RAP1A: variants seen among roughly 807,000 people sequenced by gnomAD.
RAP1A encodes the protein ras-related protein Rap-1A.
A neutral mutation model predicts 26.4 loss-of-function variants in RAP1A; 6 were observed. That is an observed-to-expected ratio of 0.23 (90% CI 0.12 to 0.45). The LOEUF (loss-of-function observed/expected upper bound fraction) is 0.45, where lower values mean the gene tolerates loss of function less well. Among genes scored for constraint, RAP1A ranks in the 20% least tolerant of loss-of-function variants. The probability of loss-of-function intolerance (pLI) is 0.99; values close to 1 mark genes in which losing one functional copy is unlikely to be tolerated. For missense variants in RAP1A, 121 were observed against 217.2 expected (o/e 0.56, Z 2.78); for synonymous variants, 73 against 79.4 (o/e 0.92, Z 0.43).
chr1:111,592,478 G>A (rs1484077234), intron 1 of RAP1A, among the ~76,000 whole-genome samples: 1 of 152,188 alleles, frequency 6.6e-6, no homozygotes, highest in Non-Finnish European at 1.5e-5. Flanking sequence ...GAAACCTGAA[G>A]TTTAGGGTAA....
At chr1:111,575,968 A>G (rs1658140243) in intron 1 of RAP1A, among the ~76,000 whole-genome samples, 1 of 152,320 alleles carries the variant, frequency 6.6e-6, no homozygotes, top group Non-Finnish European at 1.5e-5. Context: ...AAAACATACA[A>G]AAGGGAATCA....
intron 1 of RAP1A, among the ~76,000 whole-genome samples, chr1:111,644,431 A>G (rs1048547047): frequency 6.6e-6 from 1 of 151,566 alleles, no homozygotes; most frequent in African/African-American, 2.4e-5. Context: ...TCCTCACATC[A>G]CTCTAAGATT....
chr1:111,635,553 T>C (rs1659702282), intron 1 of RAP1A, among the ~76,000 whole-genome samples: 2 of 152,162 alleles, frequency 1.3e-5, no homozygotes, highest in African/African-American at 4.8e-5. Context: ...TTGATGTTTC[T>C]TTGTTTTCTT....
chr1:111,694,370 A>T (rs1661766238), intron 2 of RAP1A, among the ~76,000 whole-genome samples: 1 of 152,238 alleles, frequency 6.6e-6, no homozygotes, highest in South Asian at 2.1e-4. Context: ...AGCTCAAGCT[A>T]AAATAGTATA....
chr1:111,608,930 C>G (rs1172631831), intron 1 of RAP1A, among the ~76,000 whole-genome samples: 1 of 152,204 alleles, frequency 6.6e-6, no homozygotes, highest in Non-Finnish European at 1.5e-5. Flanking sequence ...TGTCTCACTG[C>G]TGAGTTCTGC....
At chr1:111,699,318 T>C (rs1661940334) in intron 4 of RAP1A, among the ~76,000 whole-genome samples, 1 of 152,158 alleles carries the variant, frequency 6.6e-6, no homozygotes, top group Non-Finnish European at 1.5e-5. Context: ...ATTTCCTTGA[T>C]GTCCATCCTA....
chr1:111,595,936 G>A (rs982329885), intron 1 of RAP1A, among the ~76,000 whole-genome samples: 4 of 152,128 alleles, frequency 2.6e-5, no homozygotes, highest in African/African-American at 4.8e-5. Flanking sequence ...AGAGTTAAGT[G>A]CTCTCTTCTC....
At chr1:111,558,199 A>T (rs114608216) in intron 1 of RAP1A, among the ~76,000 whole-genome samples, 3,118 of 152,214 alleles carry the variant, frequency 0.02, 99 homozygotes, top group African/African-American at 0.071. Context: ...TTGTTTTGAG[A>T]CAGGGTCTTA....
chr1:111,667,505 C>T (rs972497061), intron 1 of RAP1A, among the ~76,000 whole-genome samples: 4 of 151,870 alleles, frequency 2.6e-5, no homozygotes, highest in Non-Finnish European at 5.9e-5. Flanking sequence ...GCTAACATGG[C>T]GAAACCTGTC....
chr1:111,678,282 T>C (rs1661188042), intron 1 of RAP1A, among the ~76,000 whole-genome samples: 1 of 152,266 alleles, frequency 6.6e-6, no homozygotes, highest in Non-Finnish European at 1.5e-5. Context: ...AAGTCTTTAA[T>C]TTCAGCCATG....
chr1:111,577,554 T>TA (rs1453308016), intron 1 of RAP1A, among the ~76,000 whole-genome samples: 8 of 152,032 alleles, frequency 5.3e-5, no homozygotes, highest in African/African-American at 1.9e-4. Context: ...AATTTCTCCA[T>TA]AAACAGATTT....
chr1:111,630,409 A>T (rs1659533616), intron 1 of RAP1A, among the ~76,000 whole-genome samples: 1 of 152,194 alleles, frequency 6.6e-6, no homozygotes, highest in African/African-American at 2.4e-5. Context: ...AGTGCTTGAT[A>T]CTATTCTAGG....
chr1:111,546,768 T>C (rs1257650839), intron 1 of RAP1A, among the ~76,000 whole-genome samples: 3 of 152,194 alleles, frequency 2.0e-5, no homozygotes, highest in Non-Finnish European at 4.4e-5. Context: ...CTACTTTTAA[T>C]GATCTTAGAT....
At chr1:111,650,393 A>G (rs1660227292) in intron 1 of RAP1A, 1 of 152,180 alleles carries the variant, frequency 6.6e-6, no homozygotes, top group Admixed American at 6.5e-5. Context: ...TTCTGCATTT[A>G]CCAGAAAAGT....
In RAP1A at chr1:111,640,471, G is replaced by A. The variant is rs186473432; in HGVS notation, c.-28+20537G>A. Among the ~76,000 whole-genome samples, 16 of 152,174 alleles carry A rather than the reference G, an allele frequency of 1.1e-4. No individual in the cohort carries two copies. In the East Asian group the frequency reaches 3.1e-3, roughly 29 times the overall value. On this transcript the variant is annotated intron_variant, in intron 1 of 7. Coordinates refer to ENST00000369709, the MANE Select transcript of RAP1A (RefSeq NM_002884.4). ...ATAGCAGGGATTCTTTAATAGATTT[G>A]TTAGAGTATACATCTTCACAGTACA...
At position 111,709,131 on chromosome 1, in the gene RAP1A, TTTC is replaced by T; in HGVS notation, c.469-15_469-13del. 1 of 1,598,326 alleles carries T rather than the reference TTTC, an allele frequency of 6.3e-7. No homozygotes were observed. The highest frequency in any genetic ancestry group is 8.5e-7 in the Non-Finnish European group (1 of 1,175,554). On this transcript the variant is annotated splice_polypyrimidine_tract_variant and intron_variant, in intron 6 of 7. Transcript: ENST00000369709. ...AAAAACTGGTGGAGTAAGTACTTTT[TTTC>T]TTGTTTTTACTTAGATATTTTATGA...
chr1:111,598,735 G>C lies in RAP1A; in HGVS notation c.-28+56226G>C, dbSNP rs945112632. On this transcript the variant is annotated intron_variant, in intron 1 of 7. Coordinates refer to the RAP1A transcript ENST00000356415. ...GTCTATCCTCACACAGCAAGCAAGC[G>C]AGCAGTTCTGCAGTGGATACCAGCT... is the stretch of plus-strand genomic sequence containing the variant. Among the ~76,000 whole-genome samples, 3 of 152,042 alleles carry C rather than the reference G, an allele frequency of 2.0e-5. 1 individual carries two copies. Among genetic ancestry groups the C allele is most frequent in the Middle Eastern group, 3.2e-3 (1 of 316 alleles).
At chr1:111,689,897 C>T (rs1381875522) in intron 1 of RAP1A, among the ~76,000 whole-genome samples, 6 of 152,194 alleles carry the variant, frequency 3.9e-5, no homozygotes, top group South Asian at 2.1e-4. Flanking sequence ...AGGATGGTCT[C>T]GATCTCCTGA....
At chr1:111,695,238 A>C (rs1661791718) in intron 2 of RAP1A, 103 bp from the exon 3 acceptor site, 1 of 840,684 alleles carries the variant, frequency 1.2e-6, no homozygotes, top group African/African-American at 1.8e-5. Context: ...GTTTACCCAG[A>C]ATTTTCACAT....
Sources: allele counts gnomAD v4.1 joint callset (sites outside exome capture counted in the v4.1 genomes callset), GRCh38; gene constraint gnomAD v4.1.1; transcripts MANE v1.5; gene names NCBI Gene and HGNC (gene_info 2026-07-23, HGNC 2026-07-21).